Variants in ZHX3 observed in about 807,000 individuals in gnomAD.
ZHX3 encodes zinc fingers and homeoboxes 3.
A neutral mutation model predicts 64.5 loss-of-function variants in ZHX3; 20 were observed. That is an observed-to-expected ratio of 0.31 (90% CI 0.22 to 0.45). The LOEUF is 0.45. Ranked by LOEUF, ZHX3 falls within the 20% of genes least tolerant of loss-of-function variation. The pLI, the probability that ZHX3 is intolerant of heterozygous loss-of-function variation, is 1.00. For synonymous variants in ZHX3, 423 were observed against 461.6 expected, an observed-to-expected ratio of 0.92 and a Z score of 1.07; for missense variants, 1,041 against 1,195.8, an observed-to-expected ratio of 0.87 and a Z score of 1.91.
At chr20:41,223,432 C>T (rs2040077400) in intron 2 of ZHX3, among the ~76,000 whole-genome samples, 1 of 152,154 alleles carries the variant, frequency 6.6e-6, no homozygotes, top group South Asian at 2.1e-4. Flanking sequence ...AGGAGATAAT[C>T]AAATCAATTA....
In ZHX3 at chr20:41,297,918, G is replaced by A. The variant is rs531741456; in HGVS notation, c.-245+19591C>T. Among the ~76,000 whole-genome samples the A allele has an allele frequency of 5.9e-5, 9 of 152,234 alleles. No individual in the cohort carries two copies. The Middle Eastern group carries it at 0.01, about 173-fold the overall frequency. On this transcript the variant is annotated intron_variant, in intron 1 of 3. Coordinates refer to ENST00000683867, the MANE Select transcript of ZHX3 (RefSeq NM_001384317.1). ...AAGATGCACTTACAAGGTCTAGAGT[G>A]GCCCTAGTCATCCTAAGACTGAAGA...
rs1369102075 is a variant in ZHX3 at position 41,241,869 on chromosome 20, C to T, written c.-151+27121G>A. Among the ~76,000 whole-genome samples, 3 of 152,052 alleles carry T rather than the reference C, an allele frequency of 2.0e-5. No individual in the cohort carries two copies. The East Asian group carries it at 5.8e-4, about 29-fold the overall frequency. Reference sequence around the variant, plus strand: ...AACATTTTAACAATATTTATTCTTCCAATCCATGAATTAGACCCCTTATGT... The same window carrying T: ...AACATTTTAACAATATTTATTCTTCTAATCCATGAATTAGACCCCTTATGT... On this transcript the variant is annotated intron_variant, in intron 2 of 3. Coordinates refer to ENST00000683867, the MANE Select transcript of ZHX3 (RefSeq NM_001384317.1).
In ZHX3 at chr20:41,233,391, T is replaced by C. The variant is rs562757549; in HGVS notation, c.-150-28325A>G. Among the ~76,000 whole-genome samples, 5 of 152,254 alleles carry C rather than the reference T, an allele frequency of 3.3e-5. No homozygotes were observed. The East Asian group carries it at 7.7e-4, about 24-fold the overall frequency. ...TTTATGCTGCAAAACCTTCCTAATA[T>C]CCTTTTAAGTACAAAAGACATTCAA... is the stretch of plus-strand genomic sequence containing the variant. On this transcript the variant is annotated intron_variant, in intron 2 of 3. Transcript: ENST00000683867.
chr20:41,270,113 C>T (rs1205326286), intron 1 of ZHX3, among the ~76,000 whole-genome samples: 1 of 152,112 alleles, frequency 6.6e-6, no homozygotes, highest in African/African-American at 2.4e-5. Context: ...ATGTTAAGGC[C>T]GGGTACGGTG....
chr20:41,201,375 G>C lies in ZHX3; in HGVS notation c.2860+682C>G. 1 of 1,304,676 alleles carries C rather than the reference G, an allele frequency of 7.7e-7. No individual in the cohort carries two copies. Among genetic ancestry groups the C allele is most frequent in the Non-Finnish European group, 1.0e-6 (1 of 989,034 alleles). 80.8% of individuals were successfully genotyped at this position (1,304,676 alleles called of 1,614,324 possible). The stretch of plus-strand genomic sequence containing the variant: ...GGAAGGGAGAGGCTGGGAACTCAGT[G>C]ACCAGGAACCTAGAAAATCAACACG... On this transcript the variant is annotated intron_variant, in intron 3 of 3. Coordinates refer to ENST00000683867, the MANE Select transcript of ZHX3 (RefSeq NM_001384317.1). The surrounding 1 kb of genome is among the most constrained non-coding windows in gnomAD (Gnocchi z 5.0).
intron 1 of ZHX3, among the ~76,000 whole-genome samples, chr20:41,310,680 GTT>G (rs138691524): frequency 3.4e-5 from 5 of 145,330 alleles, no homozygotes; most frequent in Middle Eastern, 3.3e-3. Flanking sequence ...TGGGGAAGAG[GTT>G]TTTTTTTTTT....
Position 41,202,580 on chromosome 20 carries a change from C to G in ZHX3, c.2337G>C (p.Leu779=). The G allele has an allele frequency of 6.2e-7, 1 of 1,614,026 alleles. No individual in the cohort carries two copies. Among genetic ancestry groups the G allele is most frequent in the South Asian group, 1.1e-5 (1 of 91,084 alleles). Residue 779 remains leucine, a synonymous_variant, in exon 3 of 4, where the codon CTG becomes CTC. Transcript: ENST00000683867. The surrounding 1 kb of genome is among the most constrained non-coding windows in gnomAD (Gnocchi z 7.0). ...CKKTAQQRHL[L]RQLFVQTQWP... ...ACTGTGTCTGGACAAAGAGCTGCCG[C>G]AGCAAGTGCCGCTGCTGGGCAGTCT... is the stretch of plus-strand genomic sequence containing the variant.
chr20:41,222,906 TA>T (rs11482200), intron 2 of ZHX3, among the ~76,000 whole-genome samples: 10,281 of 137,088 alleles, frequency 0.075, 365 homozygotes, highest in Middle Eastern at 0.18. Flanking sequence ...GAACATTTGT[TA>T]AAAAAAAAAA....
intron 3 of ZHX3, among the ~76,000 whole-genome samples, chr20:41,186,678 A>ACAGCCATCTT (rs71332489): frequency 0.082 from 12,441 of 152,244 alleles, 620 homozygotes; most frequent in Middle Eastern, 0.13. Flanking sequence ...TGTGTTTGTA[A>ACAGCCATCTT]CAGCCATCTT....
At chr20:41,287,264 C>T (rs1044833299) in intron 1 of ZHX3, among the ~76,000 whole-genome samples, 2 of 152,178 alleles carry the variant, frequency 1.3e-5, no homozygotes, top group East Asian at 1.9e-4. Context: ...ACTACACCAC[C>T]CCAAGTAGCA....
At chr20:41,230,871 T>C (rs1487548179) in intron 2 of ZHX3, among the ~76,000 whole-genome samples, 5 of 152,194 alleles carry the variant, frequency 3.3e-5, no homozygotes, top group Non-Finnish European at 7.3e-5. Flanking sequence ...TGACACATCA[T>C]TATCACCCAA....
At chr20:41,213,102 A>C (rs138560059) in intron 2 of ZHX3, among the ~76,000 whole-genome samples, 1,573 of 152,360 alleles carry the variant, frequency 0.01, 11 homozygotes, top group Middle Eastern at 0.031. Context: ...AGTCAGACAC[A>C]AATGTCACAT....
At chr20:41,199,411 G>A (rs1288627011) in intron 3 of ZHX3, among the ~76,000 whole-genome samples, 4 of 152,126 alleles carry the variant, frequency 2.6e-5, no homozygotes, top group Admixed American at 6.5e-5. Context: ...ATTGAGGGCT[G>A]GAGCCAACTA....
chr20:41,247,853 G>C (rs2041787924), intron 2 of ZHX3, among the ~76,000 whole-genome samples: 1 of 152,122 alleles, frequency 6.6e-6, no homozygotes, highest in Non-Finnish European at 1.5e-5. Flanking sequence ...TCCTGTCTTA[G>C]TCTGGTCCAA....
chr20:41,196,185 T>C (rs2037469798), intron 3 of ZHX3, among the ~76,000 whole-genome samples: 1 of 146,698 alleles, frequency 6.8e-6, no homozygotes, highest in South Asian at 2.1e-4. Flanking sequence ...ACATGGAATA[T>C]TAAAGTCTCC....
At chr20:41,196,432 A>ATTAT (rs1261397630) in intron 3 of ZHX3, among the ~76,000 whole-genome samples, 8 of 43,344 alleles carry the variant, frequency 1.8e-4, no homozygotes, top group East Asian at 1.0e-3. Context: ...ATATTTATAT[A>ATTAT]AATATATATA....
chr20:41,306,769 T>A (rs74315801), intron 1 of ZHX3, among the ~76,000 whole-genome samples: 5 of 152,252 alleles, frequency 3.3e-5, no homozygotes, highest in Non-Finnish European at 7.3e-5. Flanking sequence ...GAACTATATA[T>A]GTTGATTCCC....
intron 2 of ZHX3, among the ~76,000 whole-genome samples, chr20:41,239,088 C>T (rs1417555596): frequency 6.8e-6 from 1 of 147,894 alleles, no homozygotes; most frequent in African/African-American, 2.5e-5. Context: ...CTGCAAGCTC[C>T]GCCTCCTGGG....
intron 1 of ZHX3, among the ~76,000 whole-genome samples, chr20:41,303,005 G>C (rs193239487): frequency 3.4e-4 from 51 of 151,632 alleles, no homozygotes; most frequent in Non-Finnish European, 4.7e-4. Context: ...ATAGCCTGAC[G>C]ACCATCTCCA....
Sources: allele counts gnomAD v4.1 joint callset (sites outside exome capture counted in the v4.1 genomes callset), GRCh38; gene constraint gnomAD v4.1.1; non-coding constraint Gnocchi (gnomAD v3.1); transcripts MANE v1.5; gene names NCBI Gene and HGNC (gene_info 2026-07-23, HGNC 2026-07-21).